GNAZ: variants seen among roughly 807,000 people sequenced by gnomAD.
The protein encoded by GNAZ is G protein subunit alpha z, also known as guanine nucleotide-binding protein G(z) subunit alpha.
GNAZ carries 3 observed loss-of-function variants against 25.4 expected under a neutral mutation model. That is an observed-to-expected ratio of 0.12 (90% confidence interval 0.05 to 0.30). GNAZ has a LOEUF of 0.30. Among genes scored for constraint, GNAZ ranks in the 10% least tolerant of loss-of-function variants. The pLI, the probability that GNAZ is intolerant of heterozygous loss-of-function variation, is 1.00. For synonymous variants in GNAZ, 211 were observed against 205.7 expected (o/e 1.03, Z -0.22); for missense variants, 241 against 501.8 (o/e 0.48, Z 4.97).
chr22:23,096,555 T>G (rs2069130606), intron 2 of GNAZ, 137 bp downstream of exon 2: 3 of 894,994 alleles, frequency 3.4e-6, no homozygotes, highest in Admixed American at 2.3e-5. Flanking sequence ...GCACGATAAC[T>G]GAGGCAGCTC....
At position 23,095,909 on chromosome 22, in the gene GNAZ, C is replaced by G; in HGVS notation, c.214C>G (p.Leu72Val). The change falls in exon 2 of 3, where the codon CTC becomes GTC. Residue 72 changes from leucine (L) to valine (V), a missense_variant. By Grantham distance (32) the Leu-to-Val change is conservative. Coordinates refer to ENST00000615612, the MANE Select transcript of GNAZ (RefSeq NM_002073.4). Reference sequence around the variant, plus strand: ...GGAGGCCTGCAAGGAGTACAAGCCCCTCATCATCTACAATGCCATCGACTC... The same window carrying G: ...GGAGGCCTGCAAGGAGTACAAGCCCGTCATCATCTACAATGCCATCGACTC... ...NLEACKEYKP[L>V]IIYNAIDSLT... 2 of 1,613,766 alleles carry G rather than the reference C, an allele frequency of 1.2e-6. No homozygotes were observed. The highest frequency in any genetic ancestry group is 1.7e-6 in the Non-Finnish European group (2 of 1,180,042).
intron 2 of GNAZ, among the ~76,000 whole-genome samples, chr22:23,111,596 G>A (rs1210482512): frequency 6.6e-6 from 1 of 152,226 alleles, no homozygotes; most frequent in African/African-American, 2.4e-5. Flanking sequence ...AGAACCCAGT[G>A]ACCATCTTGG....
At position 23,106,796 on chromosome 22, in the gene GNAZ, C is replaced by T. The variant is rs145296023; in HGVS notation, c.723+10378C>T. 3.9e-3 allele frequency among the ~76,000 whole-genome samples: 589 copies of T among 152,366 alleles called. 3 individuals are homozygous for T. Among genetic ancestry groups the T allele is most frequent in the African/African-American group, 0.014 (572 of 41,590 alleles). Reference sequence around the variant, plus strand: ...TCCCCACCACACAGATGAGGAAACTCGGGTTTCAGGAAAAGTTGTCCCTGT... The same window carrying T: ...TCCCCACCACACAGATGAGGAAACTTGGGTTTCAGGAAAAGTTGTCCCTGT... On this transcript the variant is annotated intron_variant, in intron 2 of 2. Transcript: ENST00000615612.
Position 23,124,328 on chromosome 22 carries a change from TCAGGTGG to T in GNAZ, c.*898_*904del, listed in dbSNP as rs1211526199. 1 of 398,560 alleles carries T rather than the reference TCAGGTGG, an allele frequency of 2.5e-6. No individual in the cohort carries two copies. 24.7% of individuals were successfully genotyped at this position (398,560 alleles called of 1,614,324 possible). On this transcript the variant is annotated 3_prime_UTR_variant, in exon 3 of 3. Coordinates refer to ENST00000615612, the MANE Select transcript of GNAZ (RefSeq NM_002073.4). ...GCAGATTTTCAAAACATATTTTTTT[TCAGGTGG>T]TCTTTTTTGTGTCTGGCTTGCTGAG...
At chr22:23,090,466 A>G (rs546209737) in intron 1 of GNAZ, among the ~76,000 whole-genome samples, 1 of 152,174 alleles carries the variant, frequency 6.6e-6, no homozygotes, top group Admixed American at 6.5e-5. Flanking sequence ...CGCAGCAGCC[A>G]GAGGGATGCT....
chr22:23,079,023 C>T (rs995694438), intron 1 of GNAZ, among the ~76,000 whole-genome samples: 2 of 152,198 alleles, frequency 1.3e-5, no homozygotes, highest in Non-Finnish European at 2.9e-5. Flanking sequence ...ATTCCTCACT[C>T]AGTCACTACG....
At position 23,123,871 on chromosome 22, in the gene GNAZ, G is replaced by A. The variant is rs556659689; in HGVS notation, c.*440G>A. 5 of 222,150 alleles carry A rather than the reference G, an allele frequency of 2.3e-5. No individual in the cohort carries two copies. Among genetic ancestry groups the A allele is most frequent in the South Asian group, 2.2e-4 (3 of 13,558 alleles). The allele number at this position is 222,150 out of a possible 1,614,324, so 13.8% of individuals were successfully genotyped here. On this transcript the variant is annotated 3_prime_UTR_variant, in exon 3 of 3. Transcript: ENST00000615612. ...CTGGAGGAGGGCCAGCTCGCTGCCC[G>A]AGCTCTGGCCTAGGGACCTTGCCGC...
At chr22:23,103,907 T>C (rs989613434) in intron 2 of GNAZ, among the ~76,000 whole-genome samples, 4 of 152,140 alleles carry the variant, frequency 2.6e-5, no homozygotes, top group African/African-American at 7.2e-5. Flanking sequence ...GGCCGCATGC[T>C]CTCTGTGACT....
At chr22:23,078,982 C>T (rs1366287751) in intron 1 of GNAZ, among the ~76,000 whole-genome samples, 2 of 152,184 alleles carry the variant, frequency 1.3e-5, no homozygotes, top group Non-Finnish European at 2.9e-5. Context: ...CAGAAGTCCC[C>T]AACTATCCCC....
intron 2 of GNAZ, among the ~76,000 whole-genome samples, chr22:23,110,881 C>A: frequency 6.6e-6 from 1 of 152,188 alleles, no homozygotes; most frequent in East Asian, 1.9e-4. Flanking sequence ...GCACACGGGG[C>A]AACTCAGGCC....
chr22:23,076,499 G>A (rs2068510460), intron 1 of GNAZ, among the ~76,000 whole-genome samples: 1 of 152,184 alleles, frequency 6.6e-6, no homozygotes. Context: ...CCCCAGAGAT[G>A]TGTCTCTGGG....
rs1260728918 is a variant in GNAZ, at chr22:23,123,446, G to T, written c.*15G>T. On this transcript the variant is annotated 3_prime_UTR_variant, in exon 3 of 3. Transcript: ENST00000615612. ...GCCTTTGCTGAGGAGCTGGGCCCGG[G>T]GCCCGCCTGCCTATGGTGAAACCCA... 2 of 1,565,046 alleles carry T rather than the reference G, an allele frequency of 1.3e-6. No individual in the cohort carries two copies. The highest frequency in any genetic ancestry group is 2.2e-5 in the South Asian group (2 of 89,316).
intron 1 of GNAZ, among the ~76,000 whole-genome samples, chr22:23,077,967 C>CATG (rs1459039858): frequency 6.6e-6 from 1 of 152,238 alleles, no homozygotes; most frequent in Non-Finnish European, 1.5e-5. Context: ...GCCCTCATGC[C>CATG]TCCTCCTGCC....
At chr22:23,070,988 AG>A (rs1355433143) in intron 1 of GNAZ, among the ~76,000 whole-genome samples, 2 of 151,602 alleles carry the variant, frequency 1.3e-5, no homozygotes, top group African/African-American at 2.4e-5. Flanking sequence ...AGGATCAGGG[AG>A]GGGCGGCCGG....
chr22:23,088,504 T>A (rs1035625941), intron 1 of GNAZ, among the ~76,000 whole-genome samples: 1 of 151,822 alleles, frequency 6.6e-6, no homozygotes, highest in African/African-American at 2.4e-5. Flanking sequence ...CAAACTGGGG[T>A]CAGGATGGGG....
chr22:23,092,902 G>T (rs1439181003), intron 1 of GNAZ, among the ~76,000 whole-genome samples: 1 of 152,208 alleles, frequency 6.6e-6, no homozygotes. Flanking sequence ...CCTCCCACTG[G>T]GTTGGACACT....
chr22:23,074,903 G>A (rs567604186), intron 1 of GNAZ, among the ~76,000 whole-genome samples: 7 of 152,226 alleles, frequency 4.6e-5, no homozygotes, highest in South Asian at 2.1e-4. Flanking sequence ...ACATGATGGC[G>A]CACACCTGTA....
intron 2 of GNAZ, among the ~76,000 whole-genome samples, chr22:23,099,768 G>A (rs939093607): frequency 6.6e-6 from 1 of 152,236 alleles, no homozygotes; most frequent in Admixed American, 6.5e-5. Flanking sequence ...GCCCTAGGAG[G>A]GAAAGGCAAA....
At chr22:23,112,307 C>T (rs2069678930) in intron 2 of GNAZ, among the ~76,000 whole-genome samples, 1 of 152,250 alleles carries the variant, frequency 6.6e-6, no homozygotes, top group East Asian at 1.9e-4. Flanking sequence ...TCCTTCGGCC[C>T]CGCCCCAAGC....
Sources: gnomAD v4.1 joint callset for allele counts (sites outside exome capture counted in the v4.1 genomes callset) on GRCh38, gnomAD v4.1.1 for gene constraint, MANE v1.5 for transcripts, NCBI Gene and HGNC (gene_info 2026-07-23, HGNC 2026-07-21) for gene names.